NTRK3: variants seen among roughly 807,000 people sequenced by gnomAD.
NTRK3 encodes the protein neurotrophic receptor tyrosine kinase 3.
A neutral mutation model predicts 91.7 loss-of-function variants in NTRK3; 24 were observed. The ratio of observed to expected loss-of-function variants is 0.26; its 90% CI spans 0.19 to 0.37. The LOEUF (loss-of-function observed/expected upper bound fraction) is 0.37, where lower values mean the gene tolerates loss of function less well. Ranked by LOEUF, NTRK3 falls within the 10% of genes least tolerant of loss-of-function variation. The probability of loss-of-function intolerance (pLI) is 1.00; values close to 1 mark genes in which losing one functional copy is unlikely to be tolerated. For synonymous variants in NTRK3, 483 were observed against 404.0 expected (o/e 1.20, Z -2.34); for missense variants, 880 against 1,068.9 (o/e 0.82, Z 2.46).
chr15:87,916,598 G>T, intron 17 of NTRK3: 1 of 702,136 alleles, frequency 1.4e-6, no homozygotes, highest in Non-Finnish European at 2.6e-6. Flanking sequence ...TTTCTAAACT[G>T]CAGAGAGAAG....
chr15:88,017,170 T>C (rs1357646342), intron 14 of NTRK3, among the ~76,000 whole-genome samples: 2 of 151,306 alleles, frequency 1.3e-5, no homozygotes, highest in African/African-American at 4.9e-5. Context: ...TGCTGGGAGG[T>C]CTCTGATTAT....
At chr15:87,948,423 C>G (rs956488256) in intron 14 of NTRK3, among the ~76,000 whole-genome samples, 1 of 152,190 alleles carries the variant, frequency 6.6e-6, no homozygotes, top group African/African-American at 2.4e-5. Flanking sequence ...TGCGGTGGCT[C>G]ACGCCTGTAA....
chr15:87,973,721 C>T (rs2073457042), intron 14 of NTRK3, among the ~76,000 whole-genome samples: 1 of 152,090 alleles, frequency 6.6e-6, no homozygotes, highest in Non-Finnish European at 1.5e-5. Context: ...AGATGGAAGC[C>T]AGACTCCCCA....
intron 3 of NTRK3, among the ~76,000 whole-genome samples, chr15:88,247,430 G>A (rs968596063): frequency 6.6e-6 from 1 of 152,082 alleles, no homozygotes; most frequent in Non-Finnish European, 1.5e-5. Flanking sequence ...ACAGTGTTTG[G>A]CCCCAACATT....
intron 17 of NTRK3, among the ~76,000 whole-genome samples, chr15:87,921,852 C>A (rs1201562516): frequency 6.6e-6 from 1 of 151,588 alleles, no homozygotes; most frequent in African/African-American, 2.4e-5. Context: ...AATGCCTAAT[C>A]TTGCTATAAA....
chr15:88,155,692 A>G (rs906509752), intron 5 of NTRK3, among the ~76,000 whole-genome samples: 12 of 152,216 alleles, frequency 7.9e-5, no homozygotes, highest in Non-Finnish European at 1.3e-4. Context: ...CACAAATACC[A>G]CGTGAAATTT....
At chr15:88,226,783 G>T (rs754283793) in intron 3 of NTRK3, among the ~76,000 whole-genome samples, 1 of 152,224 alleles carries the variant, frequency 6.6e-6, no homozygotes, top group Non-Finnish European at 1.5e-5. Flanking sequence ...CTTGTAGAGA[G>T]CCCTTAGCAT....
exon 15 of NTRK3, chr15:87,940,708 A>G: frequency 6.2e-7 from 1 of 1,614,124 alleles, no homozygotes; most frequent in Non-Finnish European, 8.5e-7. Flanking sequence ...TCCCTCACCC[A>G]GTTCTCGCTT....
chr15:88,018,432 G>A (rs147110496), intron 14 of NTRK3, among the ~76,000 whole-genome samples: 1 of 152,218 alleles, frequency 6.6e-6, no homozygotes, highest in Non-Finnish European at 1.5e-5. Flanking sequence ...GAAGTGGCAT[G>A]CTCCTAAACT....
exon 7 of NTRK3, chr15:88,137,444 G>T (rs750169146): frequency 3.1e-6 from 5 of 1,614,144 alleles, no homozygotes; most frequent in Non-Finnish European, 4.2e-6. Flanking sequence ...GAAGCTGGGA[G>T]CCATCAGCGT....
chr15:87,973,751 C>T (rs555209726), intron 14 of NTRK3, among the ~76,000 whole-genome samples: 3 of 152,092 alleles, frequency 2.0e-5, no homozygotes, highest in Non-Finnish European at 2.9e-5. Flanking sequence ...ACCTTCCTCC[C>T]GTCTCTGCTG....
exon 19 of NTRK3, chr15:87,870,825 T>C: frequency 4.5e-6 from 1 of 224,502 alleles, no homozygotes. Context: ...TCTGTTATCT[T>C]GATACATCTT....
At chr15:88,152,339 A>AC (rs964858434) in intron 5 of NTRK3, among the ~76,000 whole-genome samples, 1 of 151,874 alleles carries the variant, frequency 6.6e-6, no homozygotes, top group Non-Finnish European at 1.5e-5. Context: ...CAAAATCCTA[A>AC]CCCCCATTGT....
intron 3 of NTRK3, among the ~76,000 whole-genome samples, chr15:88,200,107 C>G (rs2048174600): frequency 6.6e-6 from 1 of 152,220 alleles, no homozygotes. Flanking sequence ...CATGATTGAG[C>G]CCAGGCTCTG....
intron 3 of NTRK3, among the ~76,000 whole-genome samples, chr15:88,211,867 C>T (rs565953618): frequency 7.2e-5 from 11 of 152,200 alleles, no homozygotes; most frequent in African/African-American, 2.7e-4. Context: ...CTACAAGAGA[C>T]AGAAATGTTC....
chr15:88,044,254 CTTTTTT>C (rs1181028004), intron 13 of NTRK3, among the ~76,000 whole-genome samples: 10 of 78,486 alleles, frequency 1.3e-4, no homozygotes, highest in Non-Finnish European at 1.9e-4. Context: ...AGTCTATGTT[CTTTTTT>C]TTTTTTTTTT....
chr15:88,184,477 T>G (rs2046788498), intron 3 of NTRK3, among the ~76,000 whole-genome samples, 178 bp from the exon 4 acceptor site: 1 of 152,248 alleles, frequency 6.6e-6, no homozygotes, highest in Admixed American at 6.5e-5. Context: ...GTTCACACCG[T>G]CTGCCTGATT....
At chr15:87,925,199 C>A (rs969122276) in intron 17 of NTRK3, among the ~76,000 whole-genome samples, 1 of 152,158 alleles carries the variant, frequency 6.6e-6, no homozygotes, top group Non-Finnish European at 1.5e-5. Flanking sequence ...GAGAACAAAT[C>A]GCTCTGGTGT....
Position 88,012,130 on chromosome 15 carries a change from T to G in NTRK3, c.1585+20727A>C, listed in dbSNP as rs1012787059. Among the ~76,000 whole-genome samples, 10 of 152,154 alleles carry G rather than the reference T, an allele frequency of 6.6e-5. 1 individual carries two copies. Among genetic ancestry groups the G allele is most frequent in the Non-Finnish European group, 1.0e-4 (7 of 68,024 alleles). On this transcript the variant is annotated intron_variant, in intron 14 of 18. Coordinates refer to ENST00000394480, the Ensembl canonical transcript of NTRK3. ...GCAGCATGAAGGAGAGAGCATGCAT[T>G]GTTCTTCACAGAATCCCACCTTCAG...
Sources: allele counts gnomAD v4.1 joint callset (sites outside exome capture counted in the v4.1 genomes callset), GRCh38; gene constraint gnomAD v4.1.1; transcripts MANE v1.5; gene names NCBI Gene and HGNC (gene_info 2026-07-23, HGNC 2026-07-21).